The following DCAF1 variants were observed in gnomAD, a reference collection of about 807,000 sequenced individuals.
DCAF1 encodes the protein DDB1- and CUL4-associated factor 1.
Under a neutral mutation model 128.0 loss-of-function variants are expected in DCAF1, and 15 were observed. The ratio of observed to expected loss-of-function variants is 0.12; its 90% confidence interval spans 0.08 to 0.18. DCAF1 has a LOEUF of 0.18. Ranked by LOEUF, DCAF1 falls within the 10% of genes least tolerant of loss-of-function variation. DCAF1 has a pLI of 1.00. For missense variants in DCAF1, 988 were observed against 1,649.5 expected (o/e 0.60, Z 6.95); for synonymous variants, 610 against 603.0 (o/e 1.01, Z -0.17).
intron 2 of DCAF1, among the ~76,000 whole-genome samples, chr3:51,495,648 T>C (rs1172796722): frequency 6.6e-6 from 1 of 151,976 alleles, no homozygotes; most frequent in African/African-American, 2.4e-5. Flanking sequence ...ATCCCAGCAC[T>C]TTGGAAAACC....
At chr3:51,404,829 G>C (rs2089990556) in intron 23 of DCAF1, among the ~76,000 whole-genome samples, 1 of 152,158 alleles carries the variant, frequency 6.6e-6, no homozygotes, top group South Asian at 2.1e-4. Flanking sequence ...CCCCTCCAGA[G>C]GTGAGTGGAT....
chr3:51,452,359 A>G (rs1702443463), intron 6 of DCAF1, among the ~76,000 whole-genome samples: 1 of 152,212 alleles, frequency 6.6e-6, no homozygotes, highest in South Asian at 2.1e-4. Context: ...AAAATATTTT[A>G]AGAAATATTG....
chr3:51,412,503 T>A, intron 22 of DCAF1, 23 bp from the exon 23 acceptor site: 1 of 1,613,464 alleles, frequency 6.2e-7, no homozygotes, highest in Non-Finnish European at 8.5e-7. Context: ...ATCCAGTCCA[T>A]AAGGAGCAGT....
intron 5 of DCAF1, among the ~76,000 whole-genome samples, chr3:51,465,401 C>G (rs1704028569): frequency 6.6e-6 from 1 of 152,086 alleles, no homozygotes. Context: ...AAGAAAGAGA[C>G]AATGGTGATA....
Position 51,419,870 on chromosome 3 carries a change from G to A in DCAF1, c.3100C>T (p.Pro1034Ser). ...ATCPPFSLFT[P>S]HQCPEPKQRR... ...TGTTTTGGCTCAGGACATTGGTGAGGAGTAAAGAGGGAGAAAGGTGGGCAG... is the reference window on the plus strand; with the variant it reads ...TGTTTTGGCTCAGGACATTGGTGAGAAGTAAAGAGGGAGAAAGGTGGGCAG... Residue 1034 changes from proline (P) to serine (S), a missense_variant, in exon 15 of 25, where the codon CCT becomes TCT. This residue lies in a region of DCAF1 where 105 missense variants were observed against 266.7 expected (regional missense o/e 0.39). Transcript: ENST00000684031. 1 of 1,614,040 alleles carries A rather than the reference G, an allele frequency of 6.2e-7. No individual in the cohort carries two copies. Among genetic ancestry groups the A allele is most frequent in the Non-Finnish European group, 8.5e-7 (1 of 1,179,904 alleles).
At chr3:51,492,048 C>CG (rs1180690237) in intron 2 of DCAF1, among the ~76,000 whole-genome samples, 2 of 150,146 alleles carry the variant, frequency 1.3e-5, no homozygotes, top group African/African-American at 2.5e-5. Context: ...CCCAGCTACT[C>CG]GGGGGGGCTG....
At chr3:51,477,317 GA>G (rs879994170) in intron 3 of DCAF1, among the ~76,000 whole-genome samples, 50 of 111,754 alleles carry the variant, frequency 4.5e-4, no homozygotes, top group Non-Finnish European at 7.5e-4. Context: ...GATGAGTGAA[GA>G]AAAAAAAAAA....
chr3:51,429,174 GT>G, intron 12 of DCAF1, 86 bp downstream of exon 12: 1 of 699,190 alleles, frequency 1.4e-6, no homozygotes, highest in East Asian at 2.7e-5. Context: ...ATAGCACAGA[GT>G]CCACTGATCT....
At chr3:51,485,630 C>A (rs1246020483) in intron 2 of DCAF1, among the ~76,000 whole-genome samples, 3 of 152,228 alleles carry the variant, frequency 2.0e-5, no homozygotes, top group African/African-American at 7.2e-5. Flanking sequence ...AGTTTCACAT[C>A]AGACAGGAAT....
chr3:51,493,932 G>A (rs1275411309), intron 2 of DCAF1, among the ~76,000 whole-genome samples: 4 of 151,416 alleles, frequency 2.6e-5, no homozygotes, highest in African/African-American at 4.9e-5. Flanking sequence ...GGGAGGCGGA[G>A]GTTGCAGTGA....
At position 51,466,939 on chromosome 3, in the gene DCAF1, T is replaced by C. The variant is rs1704186071; in HGVS notation, c.188-63A>G. On this transcript the variant is annotated intron_variant, in intron 4 of 24. Coordinates refer to ENST00000684031, the MANE Select transcript of DCAF1 (RefSeq NM_001387579.1). ...AGTAAGTCATCCCAGTCAAGCAACT[T>C]AGACCTCTGGAAAGGCACCTGGGTT... is the stretch of plus-strand genomic sequence containing the variant. The C allele has an allele frequency of 7.9e-6, 12 of 1,510,778 alleles. No individual in the cohort carries two copies. In the South Asian group the frequency reaches 9.1e-5, roughly 11 times the overall value. The allele number at this position is 1,510,778 out of a possible 1,614,324, so 93.6% of individuals were successfully genotyped here. A position where few individuals can be genotyped will look rare whatever the true frequency, so the allele number is the denominator to read the frequency against.
chr3:51,487,891 G>A (rs1488104162), intron 2 of DCAF1, among the ~76,000 whole-genome samples: 18 of 151,946 alleles, frequency 1.2e-4, no homozygotes, highest in African/African-American at 4.3e-4. Flanking sequence ...TGGAGACGGA[G>A]TCTTGCTCTG....
At chr3:51,422,008 T>TATA (rs1699437779) in intron 14 of DCAF1, among the ~76,000 whole-genome samples, 1 of 152,182 alleles carries the variant, frequency 6.6e-6, no homozygotes, top group South Asian at 2.1e-4. Context: ...TCAGGAAAGC[T>TATA]ATAATATACC....
rs1286191967 is a variant in DCAF1 at position 51,403,059 on chromosome 3, C to T, written c.4465+84G>A. 2.2e-5 allele frequency: 33 copies of T among 1,502,282 alleles called. No individual in the cohort carries two copies. In the African/African-American group the frequency reaches 3.8e-4, roughly 17 times the overall value. 93.1% of individuals were successfully genotyped at this position (1,502,282 alleles called of 1,614,324 possible). ...TATGGGGCACAGAACCGTGGTATGGCTTGCCCTCTAAGTTGTATGGGCACA... is the reference window on the plus strand; with the variant it reads ...TATGGGGCACAGAACCGTGGTATGGTTTGCCCTCTAAGTTGTATGGGCACA... On this transcript the variant is annotated intron_variant, in intron 24 of 24. Transcript: ENST00000684031.
upstream of DCAF1, among the ~76,000 whole-genome samples, chr3:51,502,074 G>A (rs1163611117): frequency 6.6e-6 from 1 of 152,132 alleles, no homozygotes; most frequent in Admixed American, 6.6e-5. Context: ...TATGAGGATG[G>A]GACATTTAAG....
intron 9 of DCAF1, chr3:51,440,236 G>A: frequency 2.2e-6 from 1 of 462,824 alleles, no homozygotes; most frequent in Non-Finnish European, 4.2e-6. Context: ...CTATTCTGAT[G>A]CATCTGGCTA....
intron 6 of DCAF1, among the ~76,000 whole-genome samples, chr3:51,450,810 A>AGT (rs1702269053): frequency 6.6e-6 from 1 of 152,112 alleles, no homozygotes; most frequent in South Asian, 2.1e-4. Flanking sequence ...ACTTCTATTA[A>AGT]ACATAGTACT....
chr3:51,402,239 A>G (rs2089756587), intron 24 of DCAF1, among the ~76,000 whole-genome samples: 1 of 152,220 alleles, frequency 6.6e-6, no homozygotes, highest in Admixed American at 6.5e-5. Flanking sequence ...AGGAGGGATT[A>G]GCCAAAGGGA....
At chr3:51,427,823 G>A (rs1553634532) in intron 12 of DCAF1, among the ~76,000 whole-genome samples, 1 of 152,044 alleles carries the variant, frequency 6.6e-6, no homozygotes, top group African/African-American at 2.4e-5. Flanking sequence ...TGTAGAGACA[G>A]GGTCTCATTT....
Sources: gnomAD v4.1 joint callset for allele counts (sites outside exome capture counted in the v4.1 genomes callset) on GRCh38, gnomAD v4.1.1 for gene constraint, gnomAD v4.1.1 regional missense constraint, MANE v1.5 for transcripts, NCBI Gene and HGNC (gene_info 2026-07-23, HGNC 2026-07-21) for gene names.